The following MCTP2 variants were observed in gnomAD, a reference collection of about 807,000 sequenced individuals.
MCTP2 encodes multiple C2 and transmembrane domain containing 2, also known as multiple C2 and transmembrane domain-containing protein 2.
MCTP2 carries 132 observed loss-of-function variants against 111.6 expected under a neutral mutation model. That is an observed-to-expected ratio of 1.18 (90% confidence interval 1.03 to 1.37). The LOEUF is 1.37. MCTP2 is among the 40% of genes most tolerant of loss of function. MCTP2 has a pLI of 0.00. For missense variants in MCTP2, 1,183 were observed against 1,067.9 expected (o/e 1.11, Z -1.50); for synonymous variants, 395 against 387.7 (o/e 1.02, Z -0.22).
chr15:94,333,847 C>G (rs2077237125), intron 4 of MCTP2, among the ~76,000 whole-genome samples: 1 of 152,168 alleles, frequency 6.6e-6, no homozygotes, highest in African/African-American at 2.4e-5. Flanking sequence ...TTATACAGCT[C>G]TTTCTTTCTA....
At chr15:94,244,444 A>G (rs1453745141) in intron 1 of MCTP2, among the ~76,000 whole-genome samples, 1 of 149,298 alleles carries the variant, frequency 6.7e-6, no homozygotes, top group East Asian at 2.0e-4. Context: ...CTATGTTTAT[A>G]TACGTATATG....
chr15:94,467,600 AAATCT>A (rs1489891694), intron 20 of MCTP2, among the ~76,000 whole-genome samples: 2 of 151,864 alleles, frequency 1.3e-5, no homozygotes, highest in Non-Finnish European at 2.9e-5. Flanking sequence ...TGCAGAGTAT[AAATCT>A]AATTAATTTT....
At chr15:94,260,354 A>G (rs922505418) in intron 1 of MCTP2, among the ~76,000 whole-genome samples, 9 of 152,156 alleles carry the variant, frequency 5.9e-5, no homozygotes, top group East Asian at 3.9e-4. Context: ...CAGCTTTGGC[A>G]TCATCTCATG....
rs2080321850 is a variant in MCTP2 at position 94,384,209 on chromosome 15, A to C, written c.1685+85A>C. The C allele has an allele frequency of 3.7e-6, 3 of 814,028 alleles. No individual in the cohort carries two copies. The African/African-American group carries it at 5.2e-5, about 14-fold the overall frequency. The allele number at this position is 814,028 out of a possible 1,614,324, so 50.4% of individuals were successfully genotyped here. Reference sequence around the variant, plus strand: ...TGAGTGGAATTTTCTGTCCATTTTTATGGGCAAAGAGTAAATTTTATTGTT... The same window carrying C: ...TGAGTGGAATTTTCTGTCCATTTTTCTGGGCAAAGAGTAAATTTTATTGTT... On this transcript the variant is annotated intron_variant, in intron 13 of 22. Transcript: ENST00000357742.
intron 17 of MCTP2, among the ~76,000 whole-genome samples, chr15:94,426,471 C>A (rs559878513): frequency 2.6e-5 from 4 of 152,070 alleles, no homozygotes; most frequent in East Asian, 1.9e-4. Context: ...ATCACAAATT[C>A]TCTCTTTTGC....
chr15:94,347,911 C>T (rs1294429504), intron 8 of MCTP2, among the ~76,000 whole-genome samples: 1 of 150,354 alleles, frequency 6.7e-6, no homozygotes, highest in Non-Finnish European at 1.5e-5. Flanking sequence ...TACACACACA[C>T]ACACACATAC....
intron 9 of MCTP2, among the ~76,000 whole-genome samples, 177 bp downstream of exon 9, chr15:94,356,478 G>A (rs1324122457): frequency 6.6e-6 from 1 of 152,184 alleles, no homozygotes; most frequent in Non-Finnish European, 1.5e-5. Context: ...TGTGGGTATT[G>A]TTTTAATTGC....
intron 1 of MCTP2, among the ~76,000 whole-genome samples, chr15:94,264,147 C>T (rs1217968525): frequency 6.6e-6 from 1 of 152,162 alleles, no homozygotes; most frequent in Non-Finnish European, 1.5e-5. Flanking sequence ...GGTTAGCTTA[C>T]ACATTCTGTC....
intron 7 of MCTP2, chr15:94,342,701 CACAT>C (rs2077718197): frequency 6.6e-6 from 1 of 151,118 alleles, no homozygotes; most frequent in African/African-American, 2.4e-5. Flanking sequence ...TATATATACA[CACAT>C]ACATATATAT....
At chr15:94,393,156 TGTC>T (rs1422836746) in intron 14 of MCTP2, among the ~76,000 whole-genome samples, 2 of 152,150 alleles carry the variant, frequency 1.3e-5, no homozygotes, top group East Asian at 3.9e-4. Flanking sequence ...GTGACTAAAA[TGTC>T]AGTAAGATCA....
At chr15:94,341,019 G>T in intron 7 of MCTP2, 95 bp downstream of exon 7, 2 of 777,746 alleles carry the variant, frequency 2.6e-6, no homozygotes, top group African/African-American at 1.7e-5. Flanking sequence ...GATGACTGAT[G>T]TTTTTGCAAT....
intron 4 of MCTP2, among the ~76,000 whole-genome samples, chr15:94,331,379 G>A (rs1360795725): frequency 6.6e-6 from 1 of 152,198 alleles, no homozygotes; most frequent in Non-Finnish European, 1.5e-5. Flanking sequence ...CAAAGGGGAA[G>A]TGTAAGGACA....
chr15:94,469,133 G>A (rs921727886), intron 20 of MCTP2, among the ~76,000 whole-genome samples: 5 of 152,126 alleles, frequency 3.3e-5, no homozygotes, highest in Non-Finnish European at 5.9e-5. Context: ...TAACTTTGTG[G>A]TATTCCCTCT....
In MCTP2 at chr15:94,314,478, C is replaced by A; in HGVS notation, c.528+134C>A. 5 of 664,636 alleles carry A rather than the reference C, an allele frequency of 7.5e-6. No individual in the cohort carries two copies. In the South Asian group the frequency reaches 1.0e-4, roughly 14 times the overall value. The allele number at this position is 664,636 out of a possible 1,614,324, so 41.2% of individuals were successfully genotyped here. A position where few individuals can be genotyped will look rare whatever the true frequency, so the allele number is the denominator to read the frequency against. ...TGCCAAACCGTATCCACTTACAAAACCAGGCCTTGCAAATTTTCGCTGGAG... is the reference window on the plus strand; with the variant it reads ...TGCCAAACCGTATCCACTTACAAAAACAGGCCTTGCAAATTTTCGCTGGAG... On this transcript the variant is annotated intron_variant, in intron 3 of 22. Transcript: ENST00000357742.
intron 14 of MCTP2, among the ~76,000 whole-genome samples, chr15:94,385,889 TC>T (rs1417088167): frequency 6.6e-6 from 1 of 152,246 alleles, no homozygotes; most frequent in Non-Finnish European, 1.5e-5. Flanking sequence ...TCTTTATAGC[TC>T]CTTACTGTAC....
At chr15:94,304,608 C>A (rs2075796359) in intron 2 of MCTP2, among the ~76,000 whole-genome samples, 1 of 152,188 alleles carries the variant, frequency 6.6e-6, no homozygotes, top group African/African-American at 2.4e-5. Context: ...AAATGCATTT[C>A]CTCCCCACAG....
chr15:94,405,964 G>C (rs907720727), intron 17 of MCTP2, among the ~76,000 whole-genome samples: 1 of 152,134 alleles, frequency 6.6e-6, no homozygotes, highest in Non-Finnish European at 1.5e-5. Flanking sequence ...TGTTGACTTA[G>C]TGAATGAGGC....
rs763421869 is a variant in MCTP2 at position 94,340,276 on chromosome 15, G to A, written c.857+1G>A. 1.8e-5 allele frequency: 29 copies of A among 1,605,870 alleles called. No homozygotes were observed. Among genetic ancestry groups the A allele is most frequent in the Admixed American group, 8.3e-5 (5 of 59,902 alleles). The stretch of plus-strand genomic sequence containing the variant: ...TTCTCAGTGATCTTGAGCTTAACAG[G>A]TACCGTATTTTTACATTTTAATTGT... On this transcript the variant is annotated splice_donor_variant, in intron 6 of 22. Coordinates refer to ENST00000357742, the MANE Select transcript of MCTP2 (RefSeq NM_001385001.1). LOFTEE classifies it high-confidence loss of function.
At position 94,241,854 on chromosome 15, in the gene MCTP2, A is replaced by AT. The variant is rs567663149; in HGVS notation, c.-66+10191dup. ...AGGGCTTTTTATTTTTGTCTTTAAA[A>AT]TGTCATTTAAATTATCCTTGGACCT... On this transcript the variant is annotated intron_variant, in intron 1 of 22. Coordinates refer to ENST00000357742, the MANE Select transcript of MCTP2 (RefSeq NM_001385001.1). Among the ~76,000 whole-genome samples, 257 of 151,698 alleles carry AT rather than the reference A, an allele frequency of 1.7e-3. 4 individuals carry two copies. Among genetic ancestry groups the AT allele is most frequent in the Admixed American group, 0.016 (251 of 15,278 alleles).
Sources: gnomAD v4.1 joint callset for allele counts (sites outside exome capture counted in the v4.1 genomes callset) on GRCh38, gnomAD v4.1.1 for gene constraint, MANE v1.5 for transcripts, NCBI Gene and HGNC (gene_info 2026-07-23, HGNC 2026-07-21) for gene names.